KAT6A: variants seen among roughly 807,000 people sequenced by gnomAD.
The protein encoded by KAT6A is lysine acetyltransferase 6A, also known as histone acetyltransferase KAT6A.
Under a neutral mutation model 198.4 loss-of-function variants are expected in KAT6A, and 9 were observed. That is an observed-to-expected ratio of 0.05 (90% CI 0.03 to 0.08). KAT6A has a LOEUF of 0.08. Among genes scored for constraint, KAT6A ranks in the 10% least tolerant of loss-of-function variants. KAT6A has a pLI of 1.00. For synonymous variants in KAT6A, 890 were observed against 883.0 expected, an observed-to-expected ratio of 1.01 and a Z score of -0.14; for missense variants, 2,077 against 2,509.9, an observed-to-expected ratio of 0.83 and a Z score of 3.69.
In KAT6A at chr8:41,988,921, A is replaced by G. The variant is rs948357915; in HGVS notation, c.601-1358T>C. 2.0e-5 allele frequency among the ~76,000 whole-genome samples: 3 copies of G among 152,168 alleles called. No individual in the cohort carries two copies. In the East Asian group the frequency reaches 5.8e-4, roughly 29 times the overall value. ...TCAAGATGCATTCATTCATTGGTTC[A>G]TTGATTTGCTTGCTTCCCCAAGGAC... is the stretch of plus-strand genomic sequence containing the variant. On this transcript the variant is annotated intron_variant, in intron 2 of 16. Transcript: ENST00000265713.
chr8:41,974,311 T>G (rs1823943313), intron 8 of KAT6A: 1 of 152,946 alleles, frequency 6.5e-6, no homozygotes, highest in Non-Finnish European at 1.5e-5. Context: ...ACTCCCAGAC[T>G]CAAGCAATCC....
chr8:41,949,051 G>A (rs550590150), intron 10 of KAT6A, among the ~76,000 whole-genome samples, 171 bp downstream of exon 10: 1 of 152,130 alleles, frequency 6.6e-6, no homozygotes, highest in South Asian at 2.1e-4. Flanking sequence ...CTTAATATAT[G>A]CAAAATCAAC....
At chr8:41,969,845 C>T (rs1349016395) in intron 8 of KAT6A, among the ~76,000 whole-genome samples, 1 of 152,146 alleles carries the variant, frequency 6.6e-6, no homozygotes, top group Non-Finnish European at 1.5e-5. Flanking sequence ...CAACCTCTTT[C>T]ACACCCTTAG....
Position 42,022,582 on chromosome 8 carries a change from T to C in KAT6A, c.600+25796A>G, listed in dbSNP as rs571149002. ...TCAGACTGCCAAAAATAAAAAAATTTACAGTGTGTTGCAAAGGGTATAGGG... is the reference window on the plus strand; with the variant it reads ...TCAGACTGCCAAAAATAAAAAAATTCACAGTGTGTTGCAAAGGGTATAGGG... On this transcript the variant is annotated intron_variant, in intron 2 of 16. Coordinates refer to ENST00000265713, the MANE Select transcript of KAT6A (RefSeq NM_006766.5). Among the ~76,000 whole-genome samples, 198 of 152,302 alleles carry C rather than the reference T, an allele frequency of 1.3e-3. 1 individual carries two copies. Among genetic ancestry groups the C allele is most frequent in the Non-Finnish European group, 2.0e-3 (136 of 68,024 alleles).
rs999359083 is a variant in KAT6A, at chr8:41,931,483, T to A, written c.*722A>T. On this transcript the variant is annotated 3_prime_UTR_variant, in exon 17 of 17. Coordinates refer to ENST00000265713, the MANE Select transcript of KAT6A (RefSeq NM_006766.5). Reference sequence around the variant, plus strand: ...ATATTTTAAAAAAGAAGAAAAAAATTATATTACACTTGATTCAAGAACAAC... The same window carrying A: ...ATATTTTAAAAAAGAAGAAAAAAATAATATTACACTTGATTCAAGAACAAC... The A allele has an allele frequency of 4.8e-6, 1 of 208,384 alleles. No individual in the cohort carries two copies. The highest frequency in any genetic ancestry group is 9.8e-6 in the Non-Finnish European group (1 of 102,062). The allele number at this position is 208,384 out of a possible 1,614,324, so 12.9% of individuals were successfully genotyped here. A position where few individuals can be genotyped will look rare whatever the true frequency, so the allele number is the denominator to read the frequency against.
At chr8:42,033,618 T>G (rs775861545) in intron 2 of KAT6A, among the ~76,000 whole-genome samples, 1 of 152,160 alleles carries the variant, frequency 6.6e-6, no homozygotes, top group Non-Finnish European at 1.5e-5. Context: ...ACATGTGACT[T>G]CCTCTGAACA....
At chr8:41,998,925 A>T (rs999041762) in intron 2 of KAT6A, among the ~76,000 whole-genome samples, 4 of 152,150 alleles carry the variant, frequency 2.6e-5, no homozygotes, top group Non-Finnish European at 4.4e-5. Context: ...TATAATTTTA[A>T]TCAATTCCAA....
At chr8:42,002,623 C>A (rs1010893159) in intron 2 of KAT6A, among the ~76,000 whole-genome samples, 1 of 152,048 alleles carries the variant, frequency 6.6e-6, no homozygotes, top group African/African-American at 2.4e-5. Context: ...TAAACACAGA[C>A]GAGTCCACAG....
chr8:42,002,003 C>T (rs578139487), intron 2 of KAT6A, among the ~76,000 whole-genome samples: 7 of 149,938 alleles, frequency 4.7e-5, no homozygotes, highest in African/African-American at 1.7e-4. Flanking sequence ...TATAATAAAA[C>T]GAGAGATAAG....
rs1822212991 is a variant in KAT6A at position 41,942,987 on chromosome 8, G to A, written c.2242C>T (p.Arg748Cys). ...DFRSDQFVII[R>C]REKLIQDHMA... is the part of the protein sequence containing the mutation. ...TGATCCTGGATAAGTTTTTCCCGGC[G>A]GATAATCACAAATCTGGAACCAGAG... Residue 748 changes from arginine to cysteine, a missense_variant, in exon 14 of 17, where the codon CGC becomes TGC. Arg to Cys is a radical substitution (Grantham distance 180). Around this residue, in one of 13 missense-constraint regions of KAT6A, gnomAD observed 127 missense variants for 209.6 expected, o/e 0.61. Coordinates refer to ENST00000265713, the MANE Select transcript of KAT6A (RefSeq NM_006766.5). 1 of 1,613,908 alleles carries A rather than the reference G, an allele frequency of 6.2e-7. No homozygotes were observed. The highest frequency in any genetic ancestry group is 8.5e-7 in the Non-Finnish European group (1 of 1,179,932).
intron 2 of KAT6A, among the ~76,000 whole-genome samples, chr8:42,005,619 A>C (rs1340372510): frequency 6.6e-6 from 1 of 152,198 alleles, no homozygotes; most frequent in Non-Finnish European, 1.5e-5. Flanking sequence ...ATGTCACCAG[A>C]TCCAGAGAGG....
chr8:42,027,624 G>A (rs1181512735), intron 2 of KAT6A, among the ~76,000 whole-genome samples: 1 of 151,970 alleles, frequency 6.6e-6, no homozygotes, highest in African/African-American at 2.4e-5. Flanking sequence ...GTACTTCTGT[G>A]GTATCAGTTG....
chr8:42,031,038 A>AAGGGGGGGGG (rs35595569), intron 2 of KAT6A, among the ~76,000 whole-genome samples: 1 of 113,376 alleles, frequency 8.8e-6, no homozygotes, highest in African/African-American at 3.6e-5. Context: ...AAAAAAAAAA[A>AAGGGGGGGGG]GGGGGGGGGG....
Position 41,941,299 on chromosome 8 carries a change from T to C in KAT6A, c.2582A>G (p.Gln861Arg), listed in dbSNP as rs369119090. 6.2e-7 allele frequency: 1 copy of C among 1,613,900 alleles called. No individual in the cohort carries two copies. The highest frequency in any genetic ancestry group is 1.3e-5 in the African/African-American group (1 of 74,982). ...LPHDSLPANSQPSRRGRWGRK... is the reference protein window; with the variant it reads ...LPHDSLPANSRPSRRGRWGRK... The stretch of plus-strand genomic sequence containing the variant: ...CCCCCAGCGGCCCCTCCGAGATGGC[T>C]GGCTATTTGCAGGAAGACTATCATG... Residue 861 changes from glutamine (Q) to arginine (R), a missense_variant, in exon 15 of 17, where the codon CAG becomes CGG. Physicochemically the swap from Gln to Arg is conservative, Grantham distance 43. Around this residue, in one of 13 missense-constraint regions of KAT6A, gnomAD observed 301 missense variants for 272.2 expected, o/e 1.11. Coordinates refer to ENST00000265713, the MANE Select transcript of KAT6A (RefSeq NM_006766.5).
chr8:41,984,839 C>T (rs992911668), intron 3 of KAT6A, among the ~76,000 whole-genome samples: 2 of 151,740 alleles, frequency 1.3e-5, no homozygotes, highest in Non-Finnish European at 2.9e-5. Flanking sequence ...AAAAATTAGC[C>T]GGGCGTGGTG....
intron 8 of KAT6A, among the ~76,000 whole-genome samples, chr8:41,974,042 T>A (rs1823929004): frequency 1.3e-5 from 2 of 152,154 alleles, no homozygotes; most frequent in African/African-American, 4.8e-5. Flanking sequence ...ACTCTGTCTA[T>A]ATATTTACGA....
At chr8:42,037,583 G>A (rs923184688) in intron 2 of KAT6A, among the ~76,000 whole-genome samples, 11 of 151,962 alleles carry the variant, frequency 7.2e-5, no homozygotes, top group African/African-American at 1.9e-4. Flanking sequence ...GGAGGAAAAC[G>A]CAGCCCATAG....
Position 42,048,393 on chromosome 8 carries a change from T to C in KAT6A, c.585A>G (p.Pro195=). The change falls in exon 2 of 17, where the codon CCA becomes CCG. Residue 195 remains proline (P), a synonymous_variant. Coordinates refer to ENST00000265713, the MANE Select transcript of KAT6A (RefSeq NM_006766.5). ...LSCLPPVSLL[P]HEKDKPVAEP... ...CCATTCTTACCTTATCCTTTTCATG[T>C]GGAAGAAGGGACACTGGAGGTAAAC... 2 of 1,613,844 alleles carry C rather than the reference T, an allele frequency of 1.2e-6. No homozygotes were observed. Among genetic ancestry groups the C allele is most frequent in the Non-Finnish European group, 8.5e-7 (1 of 1,179,718 alleles).
At position 42,048,479 on chromosome 8, in the gene KAT6A, A is replaced by G; in HGVS notation, c.499T>C (p.Tyr167His). The G allele has an allele frequency of 6.2e-7, 1 of 1,614,202 alleles. No individual in the cohort carries two copies. Among genetic ancestry groups the G allele is most frequent in the African/African-American group, 1.3e-5 (1 of 75,048 alleles). The change falls in exon 2 of 17, where the codon TAT becomes CAT. Residue 167 changes from tyrosine (Y) to histidine (H), a missense_variant. Tyr to His is a moderately conservative substitution (Grantham distance 83). Coordinates refer to ENST00000265713, the MANE Select transcript of KAT6A (RefSeq NM_006766.5). ...HGRLLKDGPL[Y>H]RLNTKATNVD... ...TTGGTTGCTTTAGTGTTGAGCCGAT[A>G]AAGAGGTCCATCTTTAAGGAGTCTG...
Sources: allele counts gnomAD v4.1 joint callset (sites outside exome capture counted in the v4.1 genomes callset), GRCh38; gene constraint gnomAD v4.1.1; regional missense constraint gnomAD v4.1.1; transcripts MANE v1.5; gene names NCBI Gene and HGNC (gene_info 2026-07-23, HGNC 2026-07-21).